Variants in SIDT1 observed in about 807,000 individuals in gnomAD.
SIDT1 encodes SID1 transmembrane family member 1.
In SIDT1, 101 loss-of-function variants were observed where a neutral mutation model predicts 107.5. The ratio of observed to expected loss-of-function variants is 0.94; its 90% confidence interval spans 0.80 to 1.11. The LOEUF (loss-of-function observed/expected upper bound fraction) is 1.11, where lower values mean the gene tolerates loss of function less well. SIDT1 is among the 50% of genes least tolerant of loss of function. The probability of loss-of-function intolerance (pLI) is 0.00; values close to 1 mark genes in which losing one functional copy is unlikely to be tolerated. For missense variants in SIDT1, 1,076 were observed against 1,058.2 expected (o/e 1.02, Z -0.23); for synonymous variants, 395 against 398.2 (o/e 0.99, Z 0.10).
intron 10 of SIDT1, chr3:113,601,271 G>A (rs762617444): frequency 6.3e-5 from 13 of 205,436 alleles, no homozygotes; most frequent in Non-Finnish European, 1.2e-4. Context: ...TGATGGCTGT[G>A]TTTCAGTAGA....
chr3:113,543,954 T>A (rs755496840), intron 1 of SIDT1, among the ~76,000 whole-genome samples: 2 of 152,260 alleles, frequency 1.3e-5, no homozygotes, highest in Non-Finnish European at 2.9e-5. Flanking sequence ...ATAAGGGCTT[T>A]TTCTTATATA....
chr3:113,629,896 T>C (rs1478663692), downstream of SIDT1, among the ~76,000 whole-genome samples: 1 of 152,236 alleles, frequency 6.6e-6, no homozygotes, highest in Non-Finnish European at 1.5e-5. Context: ...ACCAAGCTTG[T>C]TTTTACAAAT....
At chr3:113,564,953 G>A (rs1941767911) in intron 1 of SIDT1, among the ~76,000 whole-genome samples, 1 of 152,178 alleles carries the variant, frequency 6.6e-6, no homozygotes, top group African/African-American at 2.4e-5. Context: ...CAATGCAGTG[G>A]CTTAAGGAAA....
chr3:113,581,573 T>G, intron 6 of SIDT1, 129 bp downstream of exon 6: 1 of 760,744 alleles, frequency 1.3e-6, no homozygotes, highest in South Asian at 1.6e-5. Context: ...TCTGATTGGT[T>G]TAAAAACTAA....
At chr3:113,554,852 A>T (rs1444223465) in intron 1 of SIDT1, among the ~76,000 whole-genome samples, 2 of 151,824 alleles carry the variant, frequency 1.3e-5, no homozygotes, top group Admixed American at 6.6e-5. Flanking sequence ...GCATGTGGCC[A>T]AGGTGCTGCC....
intron 18 of SIDT1, 79 bp downstream of exon 18, chr3:113,611,223 C>T (rs908071394): frequency 7.7e-5 from 118 of 1,539,792 alleles, no homozygotes; most frequent in Admixed American, 6.2e-4. Flanking sequence ...ATCAAGTGAA[C>T]GGGTTTGGAT....
chr3:113,597,522 C>A (rs1466708040), intron 10 of SIDT1, among the ~76,000 whole-genome samples: 3 of 132,364 alleles, frequency 2.3e-5, no homozygotes, highest in Admixed American at 7.8e-5. Flanking sequence ...AAAAAAAAAT[C>A]ATGCTAGCTA....
Position 113,611,133 on chromosome 3 carries a change from G to A in SIDT1, c.1846G>A (p.Val616Ile), listed in dbSNP as rs371176236. ...ASFAVVIMVTVLGVVFGKNDV... is the reference protein window; with the variant it reads ...ASFAVVIMVTILGVVFGKNDV... ...CTTTGCTGTGGTCATCATGGTCACC[G>A]TCCTTGGAGTGGTGCGTCCCCCACC... The change falls in exon 18 of 25, where the codon GTC becomes ATC. Residue 616 changes from valine (V) to isoleucine (I), a missense_variant. Val to Ile is a conservative substitution (Grantham distance 29). Coordinates refer to ENST00000264852, the MANE Select transcript of SIDT1 (RefSeq NM_017699.3). The A allele has an allele frequency of 1.2e-5, 20 of 1,613,574 alleles. No homozygotes were observed. In the Middle Eastern group the frequency reaches 6.6e-4, roughly 53 times the overall value.
chr3:113,607,093 C>T lies in SIDT1; in HGVS notation c.1457C>T (p.Ala486Val), dbSNP rs774292168. 6.2e-7 allele frequency: 1 copy of T among 1,612,508 alleles called. No individual in the cohort carries two copies. Among genetic ancestry groups the T allele is most frequent in the Non-Finnish European group, 8.5e-7 (1 of 1,178,702 alleles). The change falls in exon 15 of 25, where the codon GCT becomes GTT. Residue 486 changes from alanine to valine, a missense_variant. By Grantham distance (64) the Ala-to-Val change is moderately conservative (BLOSUM62 0). Transcript: ENST00000264852. The part of the protein sequence containing the change: ...QDICYYNFLC[A>V]HPLGVLSAFN... The stretch of plus-strand genomic sequence containing the variant: ...ATCTGTTACTACAACTTCCTCTGTG[C>T]TCACCCCTTGGGCGTCCTGAGGTAA...
intron 10 of SIDT1, among the ~76,000 whole-genome samples, chr3:113,598,599 A>C (rs1944741642): frequency 6.6e-6 from 1 of 152,248 alleles, no homozygotes. Context: ...GACCAATTCA[A>C]GGAATCACTA....
At chr3:113,624,681 C>T (rs1946721114) in intron 23 of SIDT1, among the ~76,000 whole-genome samples, 1 of 152,234 alleles carries the variant, frequency 6.6e-6, no homozygotes, top group Non-Finnish European at 1.5e-5. Context: ...TTTTTCCCCT[C>T]ATCTCCCTCT....
At chr3:113,591,480 C>A (rs1283295549) in intron 9 of SIDT1, among the ~76,000 whole-genome samples, 1 of 151,046 alleles carries the variant, frequency 6.6e-6, no homozygotes, top group Non-Finnish European at 1.5e-5. Flanking sequence ...CCAAAACAAT[C>A]CTGAAAAAAA....
intron 1 of SIDT1, among the ~76,000 whole-genome samples, chr3:113,556,821 CTTTTTT>C (rs61672960): frequency 1.9e-5 from 2 of 107,660 alleles, no homozygotes; most frequent in Non-Finnish European, 3.6e-5. Flanking sequence ...GTTTCTTTTT[CTTTTTT>C]TTTTTTTTTT....
intron 1 of SIDT1, among the ~76,000 whole-genome samples, chr3:113,554,947 A>T (rs1052769507): frequency 2.6e-5 from 4 of 152,348 alleles, no homozygotes; most frequent in Non-Finnish European, 5.9e-5. Flanking sequence ...GGCAACATTG[A>T]GTTTCCAGAA....
intron 19 of SIDT1, among the ~76,000 whole-genome samples, chr3:113,613,407 G>A (rs1185330574): frequency 6.6e-6 from 1 of 152,196 alleles, no homozygotes; most frequent in Non-Finnish European, 1.5e-5. Flanking sequence ...GAGGGAATAA[G>A]GCCTCTAAAA....
At chr3:113,625,123 TTTTC>T (rs909154333) in intron 23 of SIDT1, among the ~76,000 whole-genome samples, 6 of 151,650 alleles carry the variant, frequency 4.0e-5, no homozygotes, top group East Asian at 1.9e-4. Flanking sequence ...AGCTCTATTT[TTTTC>T]TTTCTTTCTT....
chr3:113,540,866 A>G (rs1321668034), intron 1 of SIDT1, among the ~76,000 whole-genome samples: 1 of 152,068 alleles, frequency 6.6e-6, no homozygotes, highest in Non-Finnish European at 1.5e-5. Flanking sequence ...TTGTCTATTC[A>G]TCCTCAGTGA....
At chr3:113,561,468 G>A (rs1346213569) in intron 1 of SIDT1, among the ~76,000 whole-genome samples, 1 of 152,228 alleles carries the variant, frequency 6.6e-6, no homozygotes, top group Non-Finnish European at 1.5e-5. Flanking sequence ...GTGAAGTGGG[G>A]TAATCATGGC....
chr3:113,542,929 TGTGTGTG>T (rs1939097781), intron 1 of SIDT1, among the ~76,000 whole-genome samples: 3 of 151,092 alleles, frequency 2.0e-5, no homozygotes, highest in African/African-American at 7.4e-5. Context: ...TGTGTGTGTG[TGTGTGTG>T]TGTTTGTTTG....
Sources: allele counts gnomAD v4.1 joint callset (sites outside exome capture counted in the v4.1 genomes callset), GRCh38; gene constraint gnomAD v4.1.1; transcripts MANE v1.5; gene names NCBI Gene and HGNC (gene_info 2026-07-23, HGNC 2026-07-21).